SLC26A1: variants seen among roughly 807,000 people sequenced by gnomAD.
SLC26A1 encodes the protein solute carrier family 26 member 1.
Under a neutral mutation model 14.5 loss-of-function variants are expected in SLC26A1, and 18 were observed. The ratio of observed to expected loss-of-function variants is 1.24; its 90% CI spans 0.86 to 1.84. The LOEUF is 1.84. SLC26A1 is among the 40% of genes most tolerant of loss of function. The pLI is 0.00. For missense variants in SLC26A1, 1,049 were observed against 1,020.0 expected (o/e 1.03, Z -0.39); for synonymous variants, 505 against 492.0 (o/e 1.03, Z -0.35).
intron 1 of SLC26A1, 187 bp from the exon 2 acceptor site, chr4:991,917 G>T: frequency 9.7e-7 from 1 of 1,031,680 alleles, no homozygotes; most frequent in Non-Finnish European, 1.5e-6. Context: ...GCTGGGCCCT[G>T]CTGGATCCAG....
At chr4:986,805 C>T (rs1418063802), downstream of SLC26A1, 2 of 599,962 alleles carry the variant, frequency 3.3e-6, no homozygotes, top group African/African-American at 3.7e-5. Flanking sequence ...GCTCAACTCA[C>T]ATAGCACCAA....
At chr4:986,284 A>G (rs1713723569), downstream of SLC26A1, among the ~76,000 whole-genome samples, 1 of 152,170 alleles carries the variant, frequency 6.6e-6, no homozygotes, top group Admixed American at 6.5e-5. Context: ...TACATGGACT[A>G]CACATGTACT....
intron 2 of SLC26A1, among the ~76,000 whole-genome samples, chr4:982,449 G>C (rs1412718407): frequency 6.6e-6 from 1 of 152,260 alleles, no homozygotes; most frequent in African/African-American, 2.4e-5. Context: ...TGAGCGAAGA[G>C]AAATGGGTGC....
At chr4:992,186 AAGCCTGAGTCC>A in intron 1 of SLC26A1, 1 of 461,288 alleles carries the variant, frequency 2.2e-6, no homozygotes, top group South Asian at 1.5e-5. Flanking sequence ...AGGTGCAGGC[AAGCCTGAGTCC>A]AGCTGCTCCG....
chr4:981,972 A>C (rs1404332647), intron 2 of SLC26A1, among the ~76,000 whole-genome samples: 3 of 151,964 alleles, frequency 2.0e-5, no homozygotes, highest in Non-Finnish European at 4.4e-5. Context: ...GGCACCCACC[A>C]CCACACCCGG....
chr4:992,358 G>A (rs1714432081), intron 1 of SLC26A1: 1 of 370,104 alleles, frequency 2.7e-6, no homozygotes, highest in Non-Finnish European at 5.5e-6. Flanking sequence ...TGGGTCCTGG[G>A]GCTGGCGGAA....
chr4:989,788 T>C lies in SLC26A1; in HGVS notation c.1151A>G (p.Asn384Ser), dbSNP rs1216050211. 4.5e-6 allele frequency: 7 copies of C among 1,569,510 alleles called. No homozygotes were observed. Among genetic ancestry groups the C allele is most frequent in the East Asian group, 2.4e-5 (1 of 42,516 alleles). ...NQELLAVGCC[N>S]VLPAFLHCFA... ...GCAGTGGAGGAAGGCGGGTAGCACG[T>C]TGCAGCAGCCCACAGCCAGCAGCTC... The change falls in exon 3 of 3, where the codon AAC becomes AGC. Residue 384 changes from asparagine (N) to serine (S), a missense_variant. Asn to Ser is a conservative substitution (Grantham distance 46). Coordinates refer to ENST00000398516, the MANE Select transcript of SLC26A1 (RefSeq NM_022042.4).
chr4:990,715 C>G, intron 2 of SLC26A1: 1 of 411,976 alleles, frequency 2.4e-6, no homozygotes. Context: ...GCCCACTGCC[C>G]CCCATGCAGA....
chr4:985,824 TAA>T (rs1161493942), downstream of SLC26A1, among the ~76,000 whole-genome samples: 2 of 152,192 alleles, frequency 1.3e-5, no homozygotes, highest in Admixed American at 1.3e-4. Flanking sequence ...CTCCCCAAAA[TAA>T]AAAGACCCAG....
In SLC26A1 at chr4:988,990, C is replaced by G; in HGVS notation, c.1949G>C (p.Ser650Thr). 2 of 1,592,938 alleles carry G rather than the reference C, an allele frequency of 1.3e-6. No homozygotes were observed. Among genetic ancestry groups the G allele is most frequent in the East Asian group, 2.3e-5 (1 of 43,614 alleles). The stretch of plus-strand genomic sequence containing the variant: ...GCTCAGAATGTCTCTCACAGGCGGG[C>G]TGCAGCAGGCTAGCAGCAGGCTGAT... ...LGISLLLACC[S>T]PPVRDILSRG... The change falls in exon 3 of 3, where the codon AGC becomes ACC. Residue 650 changes from serine (S) to threonine (T), a missense_variant. By Grantham distance (58) the Ser-to-Thr change is moderately conservative. Coordinates refer to ENST00000398516, the MANE Select transcript of SLC26A1 (RefSeq NM_022042.4).
rs144684135 is a variant in SLC26A1 at position 990,111 on chromosome 4, G to A, written c.828C>T (p.Ala276=). 2.6e-5 allele frequency: 42 copies of A among 1,586,176 alleles called. No individual in the cohort carries two copies. The highest frequency in any genetic ancestry group is 3.1e-5 in the Non-Finnish European group (36 of 1,168,130). The part of the protein sequence containing the change: ...TSTVCLAVLL[A]AKELSDRYRH... ...GGTAGCGGTCTGAGAGCTCCTTCGC[G>A]GCTAGCAGCACCGCCAGGCACACCG... Residue 276 remains alanine, a synonymous_variant, in exon 3 of 3, where the codon GCC becomes GCT. Coordinates refer to ENST00000398516, the MANE Select transcript of SLC26A1 (RefSeq NM_022042.4).
downstream of SLC26A1, chr4:987,528 C>A: frequency 2.0e-6 from 2 of 984,932 alleles, no homozygotes. Context: ...CGGGACCTGG[C>A]CTGCCTGTCC....
At chr4:985,772 T>C (rs901032133), downstream of SLC26A1, among the ~76,000 whole-genome samples, 5 of 152,126 alleles carry the variant, frequency 3.3e-5, no homozygotes, top group African/African-American at 1.2e-4. Flanking sequence ...TAATGCAATT[T>C]CAACATAAGA....
rs1277541705 is a variant in SLC26A1 at position 989,684 on chromosome 4, T to G, written c.1255A>C (p.Ser419Arg). Residue 419 changes from serine to arginine, a missense_variant, in exon 3 of 3, where the codon AGC (serine) becomes CGC (arginine). Physicochemically the swap from Ser to Arg is moderately radical, Grantham distance 110 (BLOSUM62 -1). Coordinates refer to ENST00000398516, the MANE Select transcript of SLC26A1 (RefSeq NM_022042.4). Reference protein sequence around the residue: ...GCRTQLSSVVSATVVLLVLLA... With the variant: ...GCRTQLSSVVRATVVLLVLLA... ...AGCACCAGCAGCACCACGGTGGCGCTGACCACGCTGGACAGCTGTGTCCGG... is the reference window on the plus strand; with the variant it reads ...AGCACCAGCAGCACCACGGTGGCGCGGACCACGCTGGACAGCTGTGTCCGG... The G allele has an allele frequency of 6.4e-7, 1 of 1,565,832 alleles. No homozygotes were observed. Among genetic ancestry groups the G allele is most frequent in the East Asian group, 2.4e-5 (1 of 42,448 alleles).
chr4:983,229 C>G (rs577507043), downstream of SLC26A1, among the ~76,000 whole-genome samples: 17 of 152,310 alleles, frequency 1.1e-4, no homozygotes, highest in African/African-American at 3.6e-4. Flanking sequence ...CAGAAAATGT[C>G]ACCCAGAGTG....
Position 989,068 on chromosome 4 carries a change from G to A in SLC26A1, c.1871C>T (p.Ala624Val), listed in dbSNP as rs1252159104. 8.8e-6 allele frequency: 14 copies of A among 1,590,042 alleles called. No individual in the cohort carries two copies. Among genetic ancestry groups the A allele is most frequent in the Non-Finnish European group, 1.0e-5 (12 of 1,168,812 alleles). Residue 624 changes from alanine to valine, a missense_variant, in exon 3 of 3, where the codon GCA (alanine) becomes GTA (valine). Transcript: ENST00000398516. ...IDCAPLLFLD[A>V]AGVSTLQDLR... Reference sequence around the variant, plus strand: ...GTCCTGCAGCGTGCTCACACCGGCTGCGTCTAGGAACAGCAGCGGGGCGCA... The same window carrying A: ...GTCCTGCAGCGTGCTCACACCGGCTACGTCTAGGAACAGCAGCGGGGCGCA...
At position 990,273 on chromosome 4, in the gene SLC26A1, G is replaced by A. The variant is rs539427899; in HGVS notation, c.666C>T (p.Thr222=). 28 of 1,598,522 alleles carry A rather than the reference G, an allele frequency of 1.8e-5. No individual in the cohort carries two copies. The South Asian group carries it at 2.6e-4, about 15-fold the overall frequency. Residue 222 remains threonine, a synonymous_variant, in exon 3 of 3, where the codon ACC becomes ACT. Transcript: ENST00000398516. The stretch of plus-strand genomic sequence containing the variant: ...GGTGTTTGAGCTGCGAGGTCAGGAT[G>A]GTCACGGAGGCCCCCATGGCAAAGC... ...LDGFAMGASV[T]ILTSQLKHLL... is the part of the protein sequence containing the mutation.
downstream of SLC26A1, chr4:986,914 C>CGGCTCCCCGA (rs766029084): frequency 1.0e-5 from 7 of 698,668 alleles, no homozygotes; most frequent in South Asian, 7.4e-5. Flanking sequence ...GCCGTGCTCC[C>CGGCTCCCCGA]GGCTCCCCGA....
chr4:992,010 G>A (rs573589426), intron 1 of SLC26A1: 62 of 642,956 alleles, frequency 9.6e-5, no homozygotes, highest in Non-Finnish European at 1.5e-4. Flanking sequence ...GAGGGGCGGC[G>A]TGGCGGCACC....
Sources: gnomAD v4.1 joint callset for allele counts (sites outside exome capture counted in the v4.1 genomes callset) on GRCh38, gnomAD v4.1.1 for gene constraint, MANE v1.5 for transcripts, NCBI Gene and HGNC (gene_info 2026-07-23, HGNC 2026-07-21) for gene names.